Variants in NDFIP1 observed in about 807,000 individuals in gnomAD.
The protein encoded by NDFIP1 is Nedd4 family interacting protein 1, also known as NEDD4 family-interacting protein 1.
Under a neutral mutation model 28.8 loss-of-function variants are expected in NDFIP1, and 7 were observed. That is an observed-to-expected ratio of 0.24 (90% CI 0.14 to 0.46). NDFIP1 has a LOEUF of 0.46. Ranked by LOEUF, NDFIP1 falls within the 20% of genes least tolerant of loss-of-function variation. The probability of loss-of-function intolerance (pLI) is 0.99; values close to 1 mark genes in which losing one functional copy is unlikely to be tolerated. For missense variants in NDFIP1, 194 were observed against 269.1 expected, an observed-to-expected ratio of 0.72 and a Z score of 1.95; for synonymous variants, 92 against 101.0, an observed-to-expected ratio of 0.91 and a Z score of 0.53.
chr5:142,153,155 G>A lies in NDFIP1; in HGVS notation c.*1427G>A, dbSNP rs747966154. The A allele has an allele frequency of 1.0e-5, 4 of 399,406 alleles. No individual in the cohort carries two copies. Among genetic ancestry groups the A allele is most frequent in the African/African-American group, 4.2e-5 (2 of 48,066 alleles). 24.7% of individuals were successfully genotyped at this position (399,406 alleles called of 1,614,324 possible). ...ATGCACCAACTGGTTTGAGTCCTGT[G>A]AGCATTCAGTCAGTTGAAATTAAAG... On this transcript the variant is annotated 3_prime_UTR_variant, in exon 8 of 8. Transcript: ENST00000253814.
intron 1 of NDFIP1, among the ~76,000 whole-genome samples, chr5:142,110,512 A>G (rs969129254): frequency 2.0e-5 from 3 of 152,208 alleles, no homozygotes; most frequent in Non-Finnish European, 4.4e-5. Flanking sequence ...TAATGCTGAC[A>G]TACTGCTAGA....
chr5:142,114,699 A>G (rs115585323), intron 1 of NDFIP1, among the ~76,000 whole-genome samples: 11 of 152,362 alleles, frequency 7.2e-5, no homozygotes, highest in African/African-American at 2.6e-4. Context: ...GGAATATATC[A>G]TGAGAGCTCT....
chr5:142,126,065 G>A (rs1031227129), intron 1 of NDFIP1, among the ~76,000 whole-genome samples: 12 of 152,172 alleles, frequency 7.9e-5, no homozygotes, highest in Non-Finnish European at 7.3e-5. Context: ...ATTTGGTGAT[G>A]TTAGAATAAC....
chr5:142,127,563 G>A (rs887519087), intron 1 of NDFIP1, among the ~76,000 whole-genome samples: 18 of 152,312 alleles, frequency 1.2e-4, no homozygotes, highest in African/African-American at 4.1e-4. Context: ...ATTTCTTAGC[G>A]ATGGAGGCAT....
In NDFIP1 at chr5:142,138,592, G is replaced by A. The variant is rs184498023; in HGVS notation, c.495+734G>A. ...TGCTTGACCACTGTAGTTTTTCTAC[G>A]TAGTGCCACCTTATTTATTATAAAA... On this transcript the variant is annotated intron_variant, in intron 5 of 7. Coordinates refer to ENST00000253814, the MANE Select transcript of NDFIP1 (RefSeq NM_030571.4). Among the ~76,000 whole-genome samples the A allele has an allele frequency of 2.9e-3, 441 of 152,152 alleles. 2 individuals are homozygous for A. Among genetic ancestry groups the A allele is most frequent in the African/African-American group, 0.01 (416 of 41,492 alleles).
At chr5:142,117,794 C>T (rs1450945850) in intron 1 of NDFIP1, among the ~76,000 whole-genome samples, 2 of 141,024 alleles carry the variant, frequency 1.4e-5, no homozygotes, top group African/African-American at 5.4e-5. Flanking sequence ...GCCACATAGT[C>T]TCGGCTCACT....
intron 1 of NDFIP1, among the ~76,000 whole-genome samples, chr5:142,118,544 T>G (rs1312016641): frequency 1.3e-5 from 2 of 152,206 alleles, no homozygotes; most frequent in Admixed American, 6.5e-5. Flanking sequence ...ACATTGACCT[T>G]GATCACCTGG....
intron 1 of NDFIP1, among the ~76,000 whole-genome samples, chr5:142,131,173 A>G (rs1316693235): frequency 6.6e-6 from 1 of 151,830 alleles, no homozygotes; most frequent in African/African-American, 2.4e-5. Context: ...TGCCCAGGCT[A>G]GTCTTGAACT....
intron 1 of NDFIP1, among the ~76,000 whole-genome samples, chr5:142,127,393 A>G (rs1367692935): frequency 6.6e-6 from 1 of 152,158 alleles, no homozygotes; most frequent in Non-Finnish European, 1.5e-5. Context: ...GCAGATTGTG[A>G]CATATCTGAA....
chr5:142,146,759 A>C (rs969372759), intron 7 of NDFIP1, among the ~76,000 whole-genome samples: 1 of 152,196 alleles, frequency 6.6e-6, no homozygotes, highest in Non-Finnish European at 1.5e-5. Flanking sequence ...TACCTTCTTC[A>C]TCTTGGTTCT....
intron 1 of NDFIP1, among the ~76,000 whole-genome samples, chr5:142,115,722 G>A (rs1757060507): frequency 6.6e-6 from 1 of 152,080 alleles, no homozygotes; most frequent in Admixed American, 6.5e-5. Flanking sequence ...CAAACATCAT[G>A]TATGAAATTT....
Position 142,108,958 on chromosome 5 carries a change from C to G in NDFIP1, c.-17C>G, listed in dbSNP as rs763971623. ...TAGCTCGCTCGCTCGCTCTGCTTCC[C>G]TGCTGCCGGCTGCGCCATGGCGTTG... is the stretch of plus-strand genomic sequence containing the variant. On this transcript the variant is annotated 5_prime_UTR_variant, in exon 1 of 8. Transcript: ENST00000253814. 5.1e-5 allele frequency: 74 copies of G among 1,437,882 alleles called. No individual in the cohort carries two copies. In the East Asian group the frequency reaches 2.3e-3, roughly 44 times the overall value. The allele number at this position is 1,437,882 out of a possible 1,614,324, so 89.1% of individuals were successfully genotyped here.
chr5:142,146,340 G>A (rs892629825), intron 7 of NDFIP1, among the ~76,000 whole-genome samples: 3 of 152,182 alleles, frequency 2.0e-5, no homozygotes, highest in East Asian at 1.9e-4. Flanking sequence ...GGGCCTTAAT[G>A]CCTACAATGT....
At chr5:142,145,958 T>C (rs1757384293) in intron 7 of NDFIP1, among the ~76,000 whole-genome samples, 1 of 152,136 alleles carries the variant, frequency 6.6e-6, no homozygotes, top group South Asian at 2.1e-4. Flanking sequence ...TTCAAGAAAA[T>C]AAAGCATCTA....
intron 1 of NDFIP1, among the ~76,000 whole-genome samples, chr5:142,131,479 T>C (rs1757226275): frequency 6.6e-6 from 1 of 152,222 alleles, no homozygotes; most frequent in African/African-American, 2.4e-5. Context: ...TTTGCCATGT[T>C]GGCCAGGATG....
Position 142,108,843 on chromosome 5 carries a change from G to C in NDFIP1, c.-132G>C, listed in dbSNP as rs935037440. On this transcript the variant is annotated 5_prime_UTR_variant, in exon 1 of 8. Transcript: ENST00000253814. Reference sequence around the variant, plus strand: ...ACAGCCTGAGAAGAGCGTCTCGCCCGGGAGCGGCGGCGGCCATCGAGACCC... The same window carrying C: ...ACAGCCTGAGAAGAGCGTCTCGCCCCGGAGCGGCGGCGGCCATCGAGACCC... The C allele has an allele frequency of 2.5e-5, 17 of 681,532 alleles. No homozygotes were observed. The highest frequency in any genetic ancestry group is 3.6e-5 in the Non-Finnish European group (17 of 468,446). 42.2% of individuals were successfully genotyped at this position (681,532 alleles called of 1,614,324 possible).
chr5:142,116,666 T>G (rs1757072264), intron 1 of NDFIP1, among the ~76,000 whole-genome samples: 1 of 151,850 alleles, frequency 6.6e-6, no homozygotes, highest in Admixed American at 6.6e-5. Context: ...CAGGCTACCT[T>G]CATATGTATT....
intron 6 of NDFIP1, chr5:142,144,350 G>A (rs1230102035): frequency 2.8e-6 from 1 of 362,122 alleles, no homozygotes; most frequent in Non-Finnish European, 5.1e-6. Context: ...ATTCAATTCT[G>A]AATGTGCAAA....
intron 7 of NDFIP1, among the ~76,000 whole-genome samples, chr5:142,150,205 T>C (rs994943788): frequency 2.1e-5 from 3 of 143,602 alleles, no homozygotes; most frequent in East Asian, 2.1e-4. Context: ...AAAAAATATA[T>C]AGAAACTGAT....
Sources: gnomAD v4.1 joint callset for allele counts (sites outside exome capture counted in the v4.1 genomes callset) on GRCh38, gnomAD v4.1.1 for gene constraint, MANE v1.5 for transcripts, NCBI Gene and HGNC (gene_info 2026-07-23, HGNC 2026-07-21) for gene names.